Variants in ZNF18 observed in about 807,000 individuals in gnomAD.
ZNF18 encodes the protein zinc finger protein 18, also known as heart development-specific gene 1 protein.
ZNF18 carries 42 observed loss-of-function variants against 58.1 expected under a neutral mutation model. The ratio of observed to expected loss-of-function variants is 0.72; its 90% confidence interval spans 0.56 to 0.93. ZNF18 has a LOEUF of 0.93. Ranked by LOEUF, ZNF18 falls within the 40% of genes least tolerant of loss-of-function variation. The probability of loss-of-function intolerance (pLI) is 0.00; values close to 1 mark genes in which losing one functional copy is unlikely to be tolerated. For missense variants in ZNF18, 540 were observed against 644.2 expected, an observed-to-expected ratio of 0.84 and a Z score of 1.75; for synonymous variants, 231 against 239.8, an observed-to-expected ratio of 0.96 and a Z score of 0.34.
At chr17:11,994,702 G>A (rs868600273) in intron 1 of ZNF18, among the ~76,000 whole-genome samples, 2 of 152,068 alleles carry the variant, frequency 1.3e-5, no homozygotes, top group African/African-American at 2.4e-5. Flanking sequence ...TTAGCCAGGC[G>A]TGGTGGCGGG....
At chr17:12,002,324 C>G (rs943162296), upstream of ZNF18, 1 of 151,970 alleles carries the variant, frequency 6.6e-6, no homozygotes, top group African/African-American at 2.4e-5. Context: ...AGCTTGAACC[C>G]GGGAGGCAGA....
the ZNF18 span, among the ~76,000 whole-genome samples, chr17:12,014,535 G>GT: frequency 6.6e-6 from 1 of 152,198 alleles, no homozygotes; most frequent in African/African-American, 2.4e-5. Context: ...AGTTAGATAC[G>GT]TATTGTGTGA....
chr17:11,980,484 G>A (rs112564844), intron 6 of ZNF18, among the ~76,000 whole-genome samples: 26,269 of 151,908 alleles, frequency 0.17, 2,391 homozygotes, highest in Admixed American at 0.21. Flanking sequence ...GCAATGGCGT[G>A]ATCTTGGCTC....
At chr17:12,015,968 T>C in the ZNF18 span, among the ~76,000 whole-genome samples, 2 of 152,074 alleles carry the variant, frequency 1.3e-5, no homozygotes, top group South Asian at 2.1e-4. Context: ...TTTTTGTATC[T>C]TTAGTAGAGA....
rs1967144285 is a variant in ZNF18 at position 11,978,669 on chromosome 17, C to T, written c.938G>A (p.Cys313Tyr). 4 of 1,613,114 alleles carry T rather than the reference C, an allele frequency of 2.5e-6. No homozygotes were observed. Among genetic ancestry groups the T allele is most frequent in the South Asian group, 2.2e-5 (2 of 91,072 alleles). Residue 313 changes from cysteine to tyrosine, a missense_variant, in exon 7 of 7, where the codon TGT (cysteine) becomes TAT (tyrosine). Physicochemically the swap from Cys to Tyr is radical, Grantham distance 194 (BLOSUM62 -2). Transcript: ENST00000580306. ...HRDQELLHAS[C>Y]QASGEVPSQA... is the part of the protein sequence containing the mutation. ...AGAAGGAACCTCTCCTGAAGCTTGA[C>T]AGGAAGCATGCAGGAGCTCCTGGTC... is the stretch of plus-strand genomic sequence containing the variant.
chr17:11,995,344 G>A (rs1968404239), intron 1 of ZNF18, among the ~76,000 whole-genome samples: 1 of 146,974 alleles, frequency 6.8e-6, no homozygotes, highest in Non-Finnish European at 1.5e-5. Flanking sequence ...ACCCAAGGGG[G>A]CAGAGGTTGC....
At chr17:11,979,271 A>G (rs1372575545) in intron 6 of ZNF18, among the ~76,000 whole-genome samples, 1 of 152,096 alleles carries the variant, frequency 6.6e-6, no homozygotes, top group Non-Finnish European at 1.5e-5. Flanking sequence ...GGTATATGCT[A>G]TTTTCTGACA....
At chr17:11,985,403 G>A (rs1967670150) in intron 4 of ZNF18, among the ~76,000 whole-genome samples, 1 of 152,178 alleles carries the variant, frequency 6.6e-6, no homozygotes, top group Admixed American at 6.5e-5. Context: ...CCTTGAGCAA[G>A]TTATTTAACC....
intron 4 of ZNF18, 97 bp downstream of exon 4, chr17:11,990,365 G>C (rs1212890364): frequency 1.9e-6 from 2 of 1,043,296 alleles, no homozygotes; most frequent in Non-Finnish European, 2.8e-6. Context: ...CAGATCAGAG[G>C]TTTCCTCAGG....
At chr17:11,986,942 G>T (rs1296266051) in intron 4 of ZNF18, among the ~76,000 whole-genome samples, 4 of 152,098 alleles carry the variant, frequency 2.6e-5, no homozygotes, top group African/African-American at 9.7e-5. Flanking sequence ...CACTAACAGG[G>T]TACCTCCAGC....
the ZNF18 span, among the ~76,000 whole-genome samples, chr17:12,003,223 A>G: frequency 6.6e-6 from 1 of 152,164 alleles, no homozygotes; most frequent in African/African-American, 2.4e-5. Context: ...TGGAATCACA[A>G]GGTCAGGTGT....
At position 11,978,359 on chromosome 17, in the gene ZNF18, G is replaced by C; in HGVS notation, c.1248C>G (p.Thr416=). 2 of 1,572,242 alleles carry C rather than the reference G, an allele frequency of 1.3e-6. No individual in the cohort carries two copies. The highest frequency in any genetic ancestry group is 1.7e-6 in the Non-Finnish European group (2 of 1,162,268). The part of the protein sequence containing the change: ...KLPTCRECGK[T]FYRNSQLIFH... Reference sequence around the variant, plus strand: ...AAATAAGCTGAGAATTCCTATAAAAGGTCTTCCCACACTCCCTGCAGGTGG... The same window carrying C: ...AAATAAGCTGAGAATTCCTATAAAACGTCTTCCCACACTCCCTGCAGGTGG... Residue 416 remains threonine (T), a synonymous_variant, in exon 7 of 7, where the codon ACC becomes ACG. Coordinates refer to ENST00000580306, the MANE Select transcript of ZNF18 (RefSeq NM_001303281.2).
At chr17:12,014,491 G>C in the ZNF18 span, among the ~76,000 whole-genome samples, 2 of 152,166 alleles carry the variant, frequency 1.3e-5, no homozygotes, top group African/African-American at 4.8e-5. Flanking sequence ...GTACAACATA[G>C]ATGAACGTTA....
chr17:12,006,524 G>A, the ZNF18 span, among the ~76,000 whole-genome samples: 1 of 152,314 alleles, frequency 6.6e-6, no homozygotes, highest in African/African-American at 2.4e-5. Context: ...ATCGTAATTT[G>A]TATGTATCAC....
rs1285993585 is a variant in ZNF18 at position 11,977,723 on chromosome 17, G to C, written c.*234C>G. ...GATGGGTCCAAAGGAAGGATGAGTG[G>C]AAACATGAAGACTATTCTTTCTCCT... On this transcript the variant is annotated 3_prime_UTR_variant, in exon 7 of 7. Coordinates refer to ENST00000580306, the MANE Select transcript of ZNF18 (RefSeq NM_001303281.2). 1.5e-5 allele frequency: 7 copies of C among 469,946 alleles called. No homozygotes were observed. The highest frequency in any genetic ancestry group is 2.6e-5 in the Non-Finnish European group (7 of 274,406). The allele number at this position is 469,946 out of a possible 1,614,324, so 29.1% of individuals were successfully genotyped here. A position where few individuals can be genotyped will look rare whatever the true frequency, so the allele number is the denominator to read the frequency against.
At chr17:11,986,286 C>T (rs899213442) in intron 4 of ZNF18, among the ~76,000 whole-genome samples, 1 of 152,222 alleles carries the variant, frequency 6.6e-6, no homozygotes, top group African/African-American at 2.4e-5. Flanking sequence ...TGTAAACTGC[C>T]CATTCTCAGG....
In ZNF18 at chr17:11,984,201, G is replaced by GA. The variant is rs34299203; in HGVS notation, c.667-5dup. Reference sequence around the variant, plus strand: ...AATCCAGTTGTCTCCACTGTTCCTGGAAAAAAAAAAAAAAAAGCAATACAA... The same window carrying GA: ...AATCCAGTTGTCTCCACTGTTCCTGGAAAAAAAAAAAAAAAAAGCAATACAA... On this transcript the variant is annotated splice_region_variant and splice_polypyrimidine_tract_variant and intron_variant, in intron 4 of 6. Transcript: ENST00000580306. 0.019 allele frequency: 28,352 copies of GA among 1,461,006 alleles called. 2 individuals are homozygous for GA. The highest frequency in any genetic ancestry group is 0.021 in the Non-Finnish European group (22,317 of 1,087,978). 90.5% of individuals were successfully genotyped at this position (1,461,006 alleles called of 1,614,324 possible). A position where few individuals can be genotyped will look rare whatever the true frequency, so the allele number is the denominator to read the frequency against.
the ZNF18 span, among the ~76,000 whole-genome samples, chr17:12,008,766 T>C: frequency 6.6e-6 from 1 of 152,206 alleles, no homozygotes; most frequent in South Asian, 2.1e-4. Context: ...TGATACTTAC[T>C]TAATCAGTCT....
upstream of ZNF18, chr17:11,998,511 C>A (rs904841148): frequency 2.6e-5 from 4 of 151,222 alleles, no homozygotes; most frequent in African/African-American, 7.3e-5. Context: ...ATAACATGTC[C>A]TGTACCTGTC....
Sources: allele counts gnomAD v4.1 joint callset (sites outside exome capture counted in the v4.1 genomes callset), GRCh38; gene constraint gnomAD v4.1.1; transcripts MANE v1.5; gene names NCBI Gene and HGNC (gene_info 2026-07-23, HGNC 2026-07-21).